Variants in ENPP3 observed in about 807,000 individuals in gnomAD.
ENPP3 encodes ectonucleotide pyrophosphatase/phosphodiesterase 3.
ENPP3 carries 104 observed loss-of-function variants against 117.8 expected under a neutral mutation model. The observed-to-expected ratio is 0.88, with a 90% confidence interval of 0.75 to 1.04. The LOEUF (loss-of-function observed/expected upper bound fraction) is 1.04, where lower values mean the gene tolerates loss of function less well. Among genes scored for constraint, ENPP3 ranks in the 50% least tolerant of loss-of-function variants. ENPP3 has a pLI of 0.00. For synonymous variants in ENPP3, 380 were observed against 349.9 expected, an observed-to-expected ratio of 1.09 and a Z score of -0.96; for missense variants, 1,026 against 1,051.9, an observed-to-expected ratio of 0.98 and a Z score of 0.34.
chr6:131,672,132 C>T (rs903467914), intron 7 of ENPP3, among the ~76,000 whole-genome samples: 1 of 152,152 alleles, frequency 6.6e-6, no homozygotes, highest in African/African-American at 2.4e-5. Flanking sequence ...CATTTGTGGT[C>T]ATTTGCAGCC....
rs1190586778 is a variant in ENPP3, at chr6:131,737,947, T to C, written c.2168-84T>C. On this transcript the variant is annotated intron_variant, in intron 22 of 24. Coordinates refer to ENST00000357639, the MANE Select transcript of ENPP3 (RefSeq NM_005021.5). ...ATTATTAAGGCAGAATTTCATGTTA[T>C]TTAAATGTACTTGTCTATAATAGAA... 3 of 962,322 alleles carry C rather than the reference T, an allele frequency of 3.1e-6. No individual in the cohort carries two copies. The South Asian group carries it at 6.2e-5, about 20-fold the overall frequency. 59.6% of individuals were successfully genotyped at this position (962,322 alleles called of 1,614,324 possible).
chr6:131,738,475 A>C (rs1780449944), intron 23 of ENPP3, among the ~76,000 whole-genome samples: 2 of 150,986 alleles, frequency 1.3e-5, no homozygotes, highest in South Asian at 2.1e-4. Context: ...ATGTACTATC[A>C]ATGAGTATAA....
At chr6:131,640,630 G>A (rs1355255736) in intron 1 of ENPP3, among the ~76,000 whole-genome samples, 1 of 152,042 alleles carries the variant, frequency 6.6e-6, no homozygotes, top group Non-Finnish European at 1.5e-5. Context: ...TTTTGTGTCT[G>A]AAACTATAAC....
chr6:131,685,433 A>G lies in ENPP3; in HGVS notation c.1190A>G (p.Tyr397Cys), dbSNP rs755872152. 1.9e-6 allele frequency: 3 copies of G among 1,613,690 alleles called. No homozygotes were observed. Among genetic ancestry groups the G allele is most frequent in the East Asian group, 2.2e-5 (1 of 44,880 alleles). Residue 397 changes from tyrosine (Y) to cysteine (C), a missense_variant, in exon 13 of 25, where the codon TAC (tyrosine) becomes TGC (cysteine). Tyr to Cys is a radical substitution (Grantham distance 194, BLOSUM62 -2). Coordinates refer to ENST00000357639, the MANE Select transcript of ENPP3 (RefSeq NM_005021.5). ...TDYFPRINFF[Y>C]MYEGPAPRIR... ...TATTTTCCCAGAATAAACTTCTTCT[A>G]CATGTACGAAGGGCCTGCCCCCCGC... is the stretch of plus-strand genomic sequence containing the variant.
In ENPP3 at chr6:131,658,438, A is replaced by G; in HGVS notation, c.562+18A>G. 1 of 1,280,070 alleles carries G rather than the reference A, an allele frequency of 7.8e-7. No homozygotes were observed. The highest frequency in any genetic ancestry group is 1.1e-6 in the Non-Finnish European group (1 of 877,754). The allele number at this position is 1,280,070 out of a possible 1,614,324, so 79.3% of individuals were successfully genotyped here. The stretch of plus-strand genomic sequence containing the variant: ...TAAACTGAGTAAGTCTTCTGTAACT[A>G]GTGGCATGCAAATGATAAAGACACC... On this transcript the variant is annotated intron_variant, in intron 6 of 24. Coordinates refer to ENST00000357639, the MANE Select transcript of ENPP3 (RefSeq NM_005021.5).
In ENPP3 at chr6:131,637,925, C is replaced by A. The variant is rs564179780; in HGVS notation, c.78+463C>A. ...TCATGTGGTAAGATCTGCCACCCCCCCTCACCCCCCAAATAAATTTTCCTT... is the reference window on the plus strand; with the variant it reads ...TCATGTGGTAAGATCTGCCACCCCCACTCACCCCCCAAATAAATTTTCCTT... On this transcript the variant is annotated intron_variant, in intron 1 of 24. Transcript: ENST00000357639. 1.7e-3 allele frequency among the ~76,000 whole-genome samples: 252 copies of A among 151,608 alleles called. 1 individual carries two copies. The highest frequency in any genetic ancestry group is 5.2e-3 in the African/African-American group (217 of 41,334).
chr6:131,693,492 T>G lies in ENPP3; in HGVS notation c.1285-5T>G. On this transcript the variant is annotated splice_region_variant and splice_polypyrimidine_tract_variant and intron_variant, in intron 14 of 24. Coordinates refer to ENST00000357639, the MANE Select transcript of ENPP3 (RefSeq NM_005021.5). ...ATCATAAAGAAATATTTACTTGCTT[T>G]TCAGTGCCGAAAACCTGATCAGCAT... 6.2e-7 allele frequency: 1 copy of G among 1,608,742 alleles called. No individual in the cohort carries two copies. The highest frequency in any genetic ancestry group is 8.5e-7 in the Non-Finnish European group (1 of 1,178,082).
intron 15 of ENPP3, among the ~76,000 whole-genome samples, chr6:131,706,710 TTTTG>T (rs1779645610): frequency 6.7e-6 from 1 of 149,680 alleles, no homozygotes; most frequent in Non-Finnish European, 1.5e-5. Flanking sequence ...ACTTTCCTTC[TTTTG>T]TTTGTTAACA....
intron 2 of ENPP3, among the ~76,000 whole-genome samples, chr6:131,642,456 A>G (rs1021758890): frequency 6.6e-6 from 1 of 152,216 alleles, no homozygotes. Flanking sequence ...GAGTAAATGC[A>G]CCACTTACAA....
At chr6:131,735,648 T>A (rs1780380824) in intron 21 of ENPP3, among the ~76,000 whole-genome samples, 1 of 152,242 alleles carries the variant, frequency 6.6e-6, no homozygotes, top group African/African-American at 2.4e-5. Flanking sequence ...GTATAAAAAG[T>A]ATTATAATAG....
intron 20 of ENPP3, among the ~76,000 whole-genome samples, chr6:131,730,224 C>T (rs1352977349): frequency 6.6e-6 from 1 of 152,170 alleles, no homozygotes; most frequent in Non-Finnish European, 1.5e-5. Context: ...GTCTATGGGG[C>T]CAACTTGGTC....
At chr6:131,744,905 T>G (rs1585746639) in intron 24 of ENPP3, among the ~76,000 whole-genome samples, 1 of 152,092 alleles carries the variant, frequency 6.6e-6, no homozygotes, top group Non-Finnish European at 1.5e-5. Context: ...CATGGACTAG[T>G]GCAGCGAGAG....
At chr6:131,658,260 C>A (rs774257840) in intron 5 of ENPP3, 63 bp from the exon 6 acceptor site, 37 of 864,684 alleles carry the variant, frequency 4.3e-5, no homozygotes, top group Non-Finnish European at 5.7e-5. Flanking sequence ...AAAAGGATTG[C>A]AATGCTTTTG....
At chr6:131,682,907 A>G (rs73552660) in intron 11 of ENPP3, 147 bp from the exon 12 acceptor site, 9 of 628,362 alleles carry the variant, frequency 1.4e-5, no homozygotes, top group Non-Finnish European at 2.3e-5. Flanking sequence ...ATATGGTAGC[A>G]TGGGTGCTAG....
At chr6:131,646,003 G>A (rs371894982) in intron 2 of ENPP3, among the ~76,000 whole-genome samples, 1 of 152,042 alleles carries the variant, frequency 6.6e-6, no homozygotes, top group South Asian at 2.1e-4. Context: ...TCACCTCCCT[G>A]TTCTAAGATC....
chr6:131,669,967 A>G (rs1037457198), intron 6 of ENPP3, among the ~76,000 whole-genome samples: 8 of 152,242 alleles, frequency 5.3e-5, no homozygotes, highest in African/African-American at 1.9e-4. Flanking sequence ...TTAGAAGTAG[A>G]GGCAACACAA....
At chr6:131,676,706 T>TA (rs763467910) in intron 9 of ENPP3, 30 bp from the exon 10 acceptor site, 9 of 1,404,992 alleles carry the variant, frequency 6.4e-6, no homozygotes, top group Non-Finnish European at 9.1e-6. Context: ...TGATTCATTT[T>TA]AAAGAATTAT....
chr6:131,742,630 GAAAC>G (rs1780551093), intron 24 of ENPP3, among the ~76,000 whole-genome samples: 1 of 151,942 alleles, frequency 6.6e-6, no homozygotes, highest in Non-Finnish European at 1.5e-5. Flanking sequence ...AAAATACAAA[GAAAC>G]AAACAAAAAC....
At chr6:131,661,515 C>T (rs573659877) in intron 6 of ENPP3, among the ~76,000 whole-genome samples, 8 of 152,128 alleles carry the variant, frequency 5.3e-5, no homozygotes, top group African/African-American at 1.7e-4. Flanking sequence ...TGGCCTCAAA[C>T]TCCTGGGCTC....
Sources: allele counts gnomAD v4.1 joint callset (sites outside exome capture counted in the v4.1 genomes callset), GRCh38; gene constraint gnomAD v4.1.1; transcripts MANE v1.5; gene names NCBI Gene and HGNC (gene_info 2026-07-23, HGNC 2026-07-21).